CAPZA1: variants seen among roughly 807,000 people sequenced by gnomAD.
The protein encoded by CAPZA1 is capping actin protein of muscle Z-line subunit alpha 1.
A neutral mutation model predicts 40.8 loss-of-function variants in CAPZA1; 10 were observed. The ratio of observed to expected loss-of-function variants is 0.25; its 90% CI spans 0.15 to 0.42. CAPZA1 has a LOEUF of 0.42. CAPZA1 is among the 10% of genes least tolerant of loss of function. The probability of loss-of-function intolerance (pLI) is 1.00; values close to 1 mark genes in which losing one functional copy is unlikely to be tolerated. For synonymous variants in CAPZA1, 98 were observed against 115.0 expected, an observed-to-expected ratio of 0.85 and a Z score of 0.95; for missense variants, 277 against 353.8, an observed-to-expected ratio of 0.78 and a Z score of 1.74.
chr1:112,657,625 C>A (rs1319655153), intron 5 of CAPZA1, among the ~76,000 whole-genome samples: 2 of 151,396 alleles, frequency 1.3e-5, no homozygotes, highest in East Asian at 3.9e-4. Flanking sequence ...GAGTTTTGCT[C>A]TTTTTGCCCA....
chr1:112,653,351 G>A (rs1286249807), intron 3 of CAPZA1, among the ~76,000 whole-genome samples: 1 of 152,178 alleles, frequency 6.6e-6, no homozygotes, highest in Non-Finnish European at 1.5e-5. Context: ...GAGCTCAGGA[G>A]CAGAGAGGAA....
chr1:112,652,766 G>A (rs1480215489), intron 3 of CAPZA1, among the ~76,000 whole-genome samples: 1 of 151,592 alleles, frequency 6.6e-6, no homozygotes, highest in Non-Finnish European at 1.5e-5. Context: ...TACTTTTTAA[G>A]AATATAAGTG....
At chr1:112,657,588 C>T (rs776824791) in intron 5 of CAPZA1, among the ~76,000 whole-genome samples, 1 of 151,990 alleles carries the variant, frequency 6.6e-6, no homozygotes, top group Non-Finnish European at 1.5e-5. Flanking sequence ...GTCAGCAACC[C>T]CTAATTCTTT....
intron 3 of CAPZA1, among the ~76,000 whole-genome samples, chr1:112,652,394 G>T (rs1175057937): frequency 6.8e-6 from 1 of 147,792 alleles, no homozygotes; most frequent in Non-Finnish European, 1.5e-5. Context: ...CAGGAGAATC[G>T]CTTGAACCCG....
At chr1:112,658,814 T>A (rs1043635993) in intron 5 of CAPZA1, among the ~76,000 whole-genome samples, 4 of 152,190 alleles carry the variant, frequency 2.6e-5, no homozygotes, top group African/African-American at 9.7e-5. Context: ...GAGCAGTATT[T>A]CCCTCTGTTT....
chr1:112,639,577 CCTT>C (rs748343263), intron 1 of CAPZA1, among the ~76,000 whole-genome samples: 5 of 152,124 alleles, frequency 3.3e-5, no homozygotes, highest in Non-Finnish European at 7.3e-5. Context: ...CTTTAAGAAG[CCTT>C]CTTTATTGCC....
chr1:112,637,367 C>G (rs1471095541), intron 1 of CAPZA1, among the ~76,000 whole-genome samples: 1 of 152,230 alleles, frequency 6.6e-6, no homozygotes, highest in Non-Finnish European at 1.5e-5. Context: ...ACAAACATAA[C>G]AAGTTCTTTT....
At chr1:112,641,218 T>C (rs200040686) in intron 1 of CAPZA1, among the ~76,000 whole-genome samples, 1 of 145,286 alleles carries the variant, frequency 6.9e-6, no homozygotes, top group African/African-American at 2.6e-5. Context: ...GAATGATCAA[T>C]AAAAAAAAAA....
chr1:112,631,511 A>G (rs1265419016), intron 1 of CAPZA1, among the ~76,000 whole-genome samples: 2 of 150,840 alleles, frequency 1.3e-5, no homozygotes, highest in Non-Finnish European at 3.0e-5. Flanking sequence ...GATTTTGAGG[A>G]AAAAAAAAAT....
At position 112,665,367 on chromosome 1, in the gene CAPZA1, A is replaced by C. The variant is rs147501937; in HGVS notation, c.586-1707A>C. Among the ~76,000 whole-genome samples the C allele has an allele frequency of 8.2e-3, 1,243 of 151,830 alleles. 18 individuals carry two copies. The highest frequency in any genetic ancestry group is 0.028 in the African/African-American group (1,180 of 41,434). On this transcript the variant is annotated intron_variant, in intron 7 of 9. Transcript: ENST00000263168. ...AATTTTTTTTGTATTTTTAGTAGAG[A>C]TGGGGTTTCGCCGTGTTGGCCAGGC... is the stretch of plus-strand genomic sequence containing the variant.
chr1:112,653,556 TC>T (rs1671439527), intron 3 of CAPZA1, 41 bp from the exon 4 acceptor site: 41 of 1,208,118 alleles, frequency 3.4e-5, no homozygotes, highest in South Asian at 1.9e-4. Context: ...TCTCTCTCCC[TC>T]TTTTTTTTTT....
rs540051303 is a variant in CAPZA1 at position 112,639,776 on chromosome 1, G to C, written c.40-7434G>C. On this transcript the variant is annotated intron_variant, in intron 1 of 9. Transcript: ENST00000263168. ...AAAAAATTGGCCAGCCGCCCCGTCC[G>C]GGAGGTGAGGGGCGCCTCTGCCCGG... 7.3e-5 allele frequency among the ~76,000 whole-genome samples: 11 copies of C among 151,508 alleles called. 1 individual carries two copies. In the East Asian group the frequency reaches 2.1e-3, roughly 30 times the overall value.
chr1:112,638,568 G>A (rs1453838074), intron 1 of CAPZA1, among the ~76,000 whole-genome samples: 1 of 151,148 alleles, frequency 6.6e-6, no homozygotes. Context: ...ACCCACCTCA[G>A]CCTTCCAAAA....
intron 8 of CAPZA1, among the ~76,000 whole-genome samples, chr1:112,668,687 T>C (rs1267065085): frequency 6.6e-6 from 1 of 152,108 alleles, no homozygotes; most frequent in Non-Finnish European, 1.5e-5. Flanking sequence ...GGTTTCACCA[T>C]GTTGACCAGG....
chr1:112,654,717 T>C (rs543510021), intron 5 of CAPZA1, 46 bp downstream of exon 5: 1 of 1,342,914 alleles, frequency 7.4e-7, no homozygotes, highest in South Asian at 1.4e-5. Context: ...TTTCTTATAT[T>C]TACCTTATCC....
rs369644367 is a variant in CAPZA1, at chr1:112,663,690, A to AG, written c.586-3383dup. 2.7e-3 allele frequency among the ~76,000 whole-genome samples: 407 copies of AG among 152,004 alleles called. 2 individuals carry two copies. The highest frequency in any genetic ancestry group is 9.5e-3 in the African/African-American group (393 of 41,496). On this transcript the variant is annotated intron_variant, in intron 7 of 9. Transcript: ENST00000263168. Reference sequence around the variant, plus strand: ...CTAATTTTTTTTGTATTTTTAGTAGAGACAGGGTTTCACCATGTTGGTCAG... The same window carrying AG: ...CTAATTTTTTTTGTATTTTTAGTAGAGGACAGGGTTTCACCATGTTGGTCAG...
chr1:112,638,981 TATATA>T (rs1239870078), intron 1 of CAPZA1, among the ~76,000 whole-genome samples: 1 of 145,966 alleles, frequency 6.9e-6, no homozygotes, highest in Non-Finnish European at 1.5e-5. Flanking sequence ...GAGAATAATT[TATATA>T]ATATATAATT....
At chr1:112,646,736 AT>A (rs35297758) in intron 1 of CAPZA1, 18,728 of 139,538 alleles carry the variant, frequency 0.13, 1,279 homozygotes, top group Non-Finnish European at 0.17. Flanking sequence ...GTAGGTGTTA[AT>A]TTTTTTTTTT....
At chr1:112,633,686 G>T (rs1394530377) in intron 1 of CAPZA1, among the ~76,000 whole-genome samples, 2 of 152,046 alleles carry the variant, frequency 1.3e-5, no homozygotes, top group Admixed American at 1.3e-4. Flanking sequence ...TTCCAAAATG[G>T]CTGTACTAAT....
Sources: allele counts gnomAD v4.1 joint callset (sites outside exome capture counted in the v4.1 genomes callset), GRCh38; gene constraint gnomAD v4.1.1; transcripts MANE v1.5; gene names NCBI Gene and HGNC (gene_info 2026-07-23, HGNC 2026-07-21).